Variants in CTNNA3 observed in about 807,000 individuals in gnomAD.
CTNNA3 encodes catenin alpha 3, also known as catenin alpha-3.
A neutral mutation model predicts 95.7 loss-of-function variants in CTNNA3; 76 were observed. The ratio of observed to expected loss-of-function variants is 0.79; its 90% CI spans 0.66 to 0.96. The LOEUF is 0.96. CTNNA3 is among the 40% of genes least tolerant of loss of function. The pLI, the probability that CTNNA3 is intolerant of heterozygous loss-of-function variation, is 0.00. For synonymous variants in CTNNA3, 431 were observed against 374.4 expected, an observed-to-expected ratio of 1.15 and a Z score of -1.74; for missense variants, 1,191 against 1,089.8, an observed-to-expected ratio of 1.09 and a Z score of -1.31.
At chr10:66,617,041 C>A (rs550792608) in intron 10 of CTNNA3, among the ~76,000 whole-genome samples, 4 of 151,886 alleles carry the variant, frequency 2.6e-5, no homozygotes, top group Admixed American at 1.3e-4. Flanking sequence ...ATTGAACATC[C>A]AATATATATT....
chr10:65,988,933 G>A (rs1564561653), intron 15 of CTNNA3, 136 bp from the exon 16 acceptor site: 1 of 599,152 alleles, frequency 1.7e-6, no homozygotes, highest in Non-Finnish European at 2.9e-6. Context: ...CCAAAGAACG[G>A]CTATTGTTTT....
chr10:66,284,084 T>G (rs12569810), intron 12 of CTNNA3, among the ~76,000 whole-genome samples: 23,296 of 151,792 alleles, frequency 0.15, 1,943 homozygotes, highest in East Asian at 0.28. Context: ...AGTGTAGATT[T>G]ATCAAACAAA....
intron 17 of CTNNA3, among the ~76,000 whole-genome samples, chr10:65,931,075 A>T (rs1236379645): frequency 6.6e-6 from 1 of 152,164 alleles, no homozygotes; most frequent in Non-Finnish European, 1.5e-5. Flanking sequence ...CAGATTTTTC[A>T]GGGTCTTTGA....
At chr10:65,941,603 A>T (rs1046761943) in intron 17 of CTNNA3, among the ~76,000 whole-genome samples, 1 of 152,190 alleles carries the variant, frequency 6.6e-6, no homozygotes, top group Non-Finnish European at 1.5e-5. Context: ...TGTATGGGGA[A>T]GGAGGCCAGG....
intron 13 of CTNNA3, among the ~76,000 whole-genome samples, chr10:66,177,087 T>G (rs1286876222): frequency 6.6e-6 from 1 of 152,102 alleles, no homozygotes; most frequent in Non-Finnish European, 1.5e-5. Context: ...AGAATAAACA[T>G]GCACCCACGC....
At chr10:66,809,808 T>TC (rs1841803341) in intron 7 of CTNNA3, among the ~76,000 whole-genome samples, 1 of 148,680 alleles carries the variant, frequency 6.7e-6, no homozygotes, top group Non-Finnish European at 1.5e-5. Flanking sequence ...GCTGATTTCT[T>TC]TTTTTTTTTT....
At chr10:66,541,137 G>T (rs1370776632) in intron 10 of CTNNA3, among the ~76,000 whole-genome samples, 2 of 152,022 alleles carry the variant, frequency 1.3e-5, no homozygotes, top group African/African-American at 2.4e-5. Flanking sequence ...AATCTACAGG[G>T]ATGCTCAGGT....
In CTNNA3 at chr10:67,051,464, T is replaced by TTTTTTC. The variant is rs1855092899; in HGVS notation, c.1047+128852_1047+128853insGAAAAA. Among the ~76,000 whole-genome samples, 9 of 4,216 alleles carry TTTTTTC rather than the reference T, an allele frequency of 2.1e-3. No individual in the cohort carries two copies. In the South Asian group the frequency reaches 0.042, roughly 20 times the overall value. 2.8% of individuals were successfully genotyped at this position (4,216 alleles called of 152,430 possible). On this transcript the variant is annotated intron_variant, in intron 7 of 17. Coordinates refer to ENST00000433211, the MANE Select transcript of CTNNA3 (RefSeq NM_013266.4). ...CATCTTTTTTCTTTTTTCTTTTTTCTTTTTTTTTTTTTGGTGACGGAGTCT... is the reference window on the plus strand; with the variant it reads ...CATCTTTTTTCTTTTTTCTTTTTTCTTTTTTCTTTTTTTTTTTTGGTGACGGAGTCT...
chr10:66,058,868 T>C (rs930342783), intron 15 of CTNNA3, among the ~76,000 whole-genome samples: 4 of 152,144 alleles, frequency 2.6e-5, no homozygotes, highest in African/African-American at 9.7e-5. Context: ...TTTTAGAAAA[T>C]GCAGCATACA....
intron 1 of CTNNA3, among the ~76,000 whole-genome samples, chr10:67,686,926 G>A (rs898200684): frequency 6.6e-6 from 1 of 152,126 alleles, no homozygotes; most frequent in Non-Finnish European, 1.5e-5. Context: ...TGGGTAACTT[G>A]TTCCCCATAT....
intron 3 of CTNNA3, among the ~76,000 whole-genome samples, chr10:67,566,075 A>ATATATATATATATAC: frequency 1.0e-5 from 1 of 100,190 alleles, no homozygotes; most frequent in South Asian, 3.9e-4. Context: ...ATATATATAC[A>ATATATATATATATAC]AAACCTAGGC....
chr10:66,412,387 G>T (rs2132600093), intron 11 of CTNNA3, among the ~76,000 whole-genome samples: 1 of 151,700 alleles, frequency 6.6e-6, no homozygotes, highest in African/African-American at 2.4e-5. Context: ...TAGGTTGGTG[G>T]AACAAATGTG....
At chr10:66,390,510 A>T (rs2132527853) in intron 11 of CTNNA3, among the ~76,000 whole-genome samples, 1 of 152,292 alleles carries the variant, frequency 6.6e-6, no homozygotes, top group Admixed American at 6.5e-5. Context: ...TACCCAGTGT[A>T]TATGAGCTAA....
chr10:66,140,343 C>T (rs1476032823), intron 13 of CTNNA3, among the ~76,000 whole-genome samples: 1 of 152,144 alleles, frequency 6.6e-6, no homozygotes, highest in Non-Finnish European at 1.5e-5. Flanking sequence ...GTAATCGTAT[C>T]TGGTATCTTT....
chr10:67,713,138 C>T (rs1231943031), intron 1 of CTNNA3, among the ~76,000 whole-genome samples: 1 of 152,180 alleles, frequency 6.6e-6, no homozygotes, highest in African/African-American at 2.4e-5. Flanking sequence ...TGAACAGACA[C>T]TTCTCAAAAG....
At chr10:66,738,415 T>C (rs1473856750) in intron 9 of CTNNA3, among the ~76,000 whole-genome samples, 1 of 152,246 alleles carries the variant, frequency 6.6e-6, no homozygotes, top group Non-Finnish European at 1.5e-5. Context: ...TTTTTTATGC[T>C]CACAAGCTGC....
At chr10:66,254,449 C>T (rs956734568) in intron 13 of CTNNA3, among the ~76,000 whole-genome samples, 7 of 152,104 alleles carry the variant, frequency 4.6e-5, no homozygotes, top group African/African-American at 1.7e-4. Context: ...GTTCAAAATA[C>T]CCTTAAGCTC....
At chr10:66,978,266 C>T (rs1363644229) in intron 7 of CTNNA3, among the ~76,000 whole-genome samples, 1 of 151,946 alleles carries the variant, frequency 6.6e-6, no homozygotes, top group East Asian at 1.9e-4. Flanking sequence ...TGGCTCACAC[C>T]TGTAATCCCA....
At chr10:66,039,714 T>C (rs111756493) in intron 15 of CTNNA3, among the ~76,000 whole-genome samples, 10 of 151,946 alleles carry the variant, frequency 6.6e-5, no homozygotes, top group African/African-American at 2.4e-4. Flanking sequence ...CCTTACACCA[T>C]ACACAAAAAT....
Sources: allele counts gnomAD v4.1 joint callset (sites outside exome capture counted in the v4.1 genomes callset), GRCh38; gene constraint gnomAD v4.1.1; transcripts MANE v1.5; gene names NCBI Gene and HGNC (gene_info 2026-07-23, HGNC 2026-07-21).